The following ZNF26 variants were observed in gnomAD, a reference collection of about 807,000 sequenced individuals.
ZNF26 encodes the protein epididymis luminal protein 179.
In ZNF26, 32 loss-of-function variants were observed where a neutral mutation model predicts 54.9. The observed-to-expected ratio is 0.58, with a 90% confidence interval of 0.44 to 0.78. The LOEUF (loss-of-function observed/expected upper bound fraction) is 0.78. Among genes scored for constraint, ZNF26 ranks in the 30% least tolerant of loss-of-function variants. The pLI, the probability that ZNF26 is intolerant of heterozygous loss-of-function variation, is 0.00. For synonymous variants in ZNF26, 221 were observed against 209.2 expected, an observed-to-expected ratio of 1.06 and a Z score of -0.49; for missense variants, 524 against 634.0, an observed-to-expected ratio of 0.83 and a Z score of 1.86.
In ZNF26 at chr12:133,016,538, C is replaced by T. The variant is rs111392083; in HGVS notation, c.*5057C>T. On this transcript the variant is annotated 3_prime_UTR_variant, in exon 4 of 4. Coordinates refer to ENST00000328654, the MANE Select transcript of ZNF26 (RefSeq NM_019591.4). The stretch of plus-strand genomic sequence containing the variant: ...GGGTGCAGTGGCTTATGCCTATAAT[C>T]CCAACACTTTGGGAGGCAGGAGGAT... 1.3e-5 allele frequency: 2 copies of T among 151,040 alleles called. No individual in the cohort carries two copies. Among genetic ancestry groups the T allele is most frequent in the African/African-American group, 4.9e-5 (2 of 41,182 alleles). 9.4% of individuals were successfully genotyped at this position (151,040 alleles called of 1,614,324 possible).
intron 1 of ZNF26, chr12:132,987,600 C>T: frequency 3.4e-6 from 2 of 595,584 alleles, no homozygotes; most frequent in Non-Finnish European, 4.2e-6. Flanking sequence ...ACTAGGAATG[C>T]TATTGGAAGA....
rs1269571883 is a variant in ZNF26, at chr12:133,015,152, G to A, written c.*3671G>A. The A allele has an allele frequency of 8.6e-5, 13 of 151,904 alleles. No homozygotes were observed. The highest frequency in any genetic ancestry group is 2.7e-4 in the African/African-American group (11 of 41,452). 9.4% of individuals were successfully genotyped at this position (151,904 alleles called of 1,614,324 possible). A position where few individuals can be genotyped will look rare whatever the true frequency, so the allele number is the denominator to read the frequency against. On this transcript the variant is annotated 3_prime_UTR_variant, in exon 4 of 4. Transcript: ENST00000328654. ...GGGTGGATCACAAGGTCGGGAGTTC[G>A]AGTTCAGCCTGGCCAATATGGTGAA... is the stretch of plus-strand genomic sequence containing the variant.
At chr12:133,007,947 TCA>T (rs1239917133) in intron 3 of ZNF26, among the ~76,000 whole-genome samples, 1 of 152,170 alleles carries the variant, frequency 6.6e-6, no homozygotes, top group Non-Finnish European at 1.5e-5. Flanking sequence ...TAGACTTGAC[TCA>T]CAGTCTTGGC....
Position 133,020,429 on chromosome 12 carries a change from GTAA to G in ZNF26, c.*8950_*8952del, listed in dbSNP as rs1357908077. 7 of 151,720 alleles carry G rather than the reference GTAA, an allele frequency of 4.6e-5. No homozygotes were observed. Among genetic ancestry groups the G allele is most frequent in the East Asian group, 1.9e-4 (1 of 5,188 alleles). 9.4% of individuals were successfully genotyped at this position (151,720 alleles called of 1,614,324 possible). ...TTGCTGAACTGTACACTTAAAAATGGTAATGATGATAATATTTATAATATATTT... is the reference window on the plus strand; with the variant it reads ...TTGCTGAACTGTACACTTAAAAATGGTGATGATAATATTTATAATATATTT... On this transcript the variant is annotated 3_prime_UTR_variant, in exon 4 of 4. Coordinates refer to ENST00000328654, the MANE Select transcript of ZNF26 (RefSeq NM_019591.4).
At position 133,026,788 on chromosome 12, in the gene ZNF26, A is replaced by C. The variant is rs972469958; in HGVS notation, c.*15307A>C. 1.3e-5 allele frequency: 2 copies of C among 152,100 alleles called. No homozygotes were observed. Among genetic ancestry groups the C allele is most frequent in the Non-Finnish European group, 2.9e-5 (2 of 68,034 alleles). 9.4% of individuals were successfully genotyped at this position (152,100 alleles called of 1,614,324 possible). ...GTGATCTGCCCGCCTTGGCCTCCCAAAGTGCTGGGATTACAGGCATGAGCC... is the reference window on the plus strand; with the variant it reads ...GTGATCTGCCCGCCTTGGCCTCCCACAGTGCTGGGATTACAGGCATGAGCC... On this transcript the variant is annotated 3_prime_UTR_variant, in exon 4 of 4. Coordinates refer to ENST00000328654, the MANE Select transcript of ZNF26 (RefSeq NM_019591.4).
chr12:133,007,296 T>A, intron 2 of ZNF26, 128 bp downstream of exon 2: 1 of 1,354,654 alleles, frequency 7.4e-7, no homozygotes. Flanking sequence ...GGGGTCAAAT[T>A]TCCTTAGTCC....
chr12:132,988,339 G>A (rs914404941), intron 1 of ZNF26, among the ~76,000 whole-genome samples: 37 of 152,122 alleles, frequency 2.4e-4, no homozygotes, highest in African/African-American at 8.4e-4. Flanking sequence ...CGGGCTCAAG[G>A]GATCCTCCAC....
At chr12:133,000,231 A>T (rs1953180501) in intron 1 of ZNF26, among the ~76,000 whole-genome samples, 1 of 151,494 alleles carries the variant, frequency 6.6e-6, no homozygotes, top group African/African-American at 2.4e-5. Context: ...GTTATTTTGT[A>T]TTTTACTTTT....
rs1288918040 is a variant in ZNF26 at position 133,017,238 on chromosome 12, C to G, written c.*5757C>G. On this transcript the variant is annotated 3_prime_UTR_variant, in exon 4 of 4. Transcript: ENST00000328654. Reference sequence around the variant, plus strand: ...TTAGGGGAGTAGAGATTCTGATTATCCCACATGGCAGGGCATTAGACAAGG... The same window carrying G: ...TTAGGGGAGTAGAGATTCTGATTATGCCACATGGCAGGGCATTAGACAAGG... 1 of 152,232 alleles carries G rather than the reference C, an allele frequency of 6.6e-6. No individual in the cohort carries two copies. The highest frequency in any genetic ancestry group is 1.9e-4 in the East Asian group (1 of 5,182). The allele number at this position is 152,232 out of a possible 1,614,324, so 9.4% of individuals were successfully genotyped here.
chr12:132,997,875 T>C (rs985130160), intron 1 of ZNF26, among the ~76,000 whole-genome samples: 3 of 152,202 alleles, frequency 2.0e-5, no homozygotes, highest in African/African-American at 4.8e-5. Flanking sequence ...AAAAGTATCA[T>C]GAAGAAAACG....
In ZNF26 at chr12:133,016,266, T is replaced by C. The variant is rs1473959694; in HGVS notation, c.*4785T>C. ...TTTTGTATTTTTAGTAGAGATGGGG[T>C]TTCACCATTTTGGCCAGGATGGTCT... On this transcript the variant is annotated 3_prime_UTR_variant, in exon 4 of 4. Coordinates refer to ENST00000328654, the MANE Select transcript of ZNF26 (RefSeq NM_019591.4). The C allele has an allele frequency of 6.6e-6, 1 of 151,578 alleles. No individual in the cohort carries two copies. The highest frequency in any genetic ancestry group is 6.6e-5 in the Admixed American group (1 of 15,186). The allele number at this position is 151,578 out of a possible 1,614,324, so 9.4% of individuals were successfully genotyped here.
At chr12:132,994,193 C>T (rs901624758) in intron 1 of ZNF26, among the ~76,000 whole-genome samples, 1 of 152,218 alleles carries the variant, frequency 6.6e-6, no homozygotes, top group African/African-American at 2.4e-5. Context: ...CACCTAGCCT[C>T]TAGCAATTTG....
chr12:133,011,464 C>A lies in ZNF26; in HGVS notation c.1585C>A (p.Arg529=). 6.4e-7 allele frequency: 1 copy of A among 1,551,142 alleles called. No homozygotes were observed. Among genetic ancestry groups the A allele is most frequent in the Admixed American group, 2.1e-5 (1 of 47,392 alleles). Reference sequence around the variant, plus strand: ...TTGGAATTCAGGGCTTCGTATACATCGGAAGACTCATAAATGAGAAATCAG... The same window carrying A: ...TTGGAATTCAGGGCTTCGTATACATAGGAAGACTCATAAATGAGAAATCAG... ...FCWNSGLRIH[R]KTHK The change falls in exon 4 of 4, where the codon CGG becomes AGG. Residue 529 remains arginine, a synonymous_variant. Coordinates refer to ENST00000328654, the MANE Select transcript of ZNF26 (RefSeq NM_019591.4).
At chr12:133,009,764 C>T (rs1471596274) in intron 3 of ZNF26, among the ~76,000 whole-genome samples, 2 of 152,034 alleles carry the variant, frequency 1.3e-5, no homozygotes, top group East Asian at 1.9e-4. Flanking sequence ...GGTGTAGTGG[C>T]GTGATCTCGG....
In ZNF26 at chr12:133,024,841, T is replaced by A. The variant is rs1215183306; in HGVS notation, c.*13360T>A. 6.6e-6 allele frequency: 1 copy of A among 152,122 alleles called. No individual in the cohort carries two copies. Among genetic ancestry groups the A allele is most frequent in the East Asian group, 1.9e-4 (1 of 5,196 alleles). 9.4% of individuals were successfully genotyped at this position (152,122 alleles called of 1,614,324 possible). ...GTCTTATTAAGAGATTTTTGGGGTG[T>A]GGCTTTTGTCTAATGGAATGGGTTG... is the stretch of plus-strand genomic sequence containing the variant. On this transcript the variant is annotated 3_prime_UTR_variant, in exon 4 of 4. Coordinates refer to ENST00000328654, the MANE Select transcript of ZNF26 (RefSeq NM_019591.4).
In ZNF26 at chr12:133,007,526, T is replaced by A. The variant is rs1953357454; in HGVS notation, c.250T>A (p.Cys84Ser). The part of the protein sequence containing the change: ...IINAKISRQS[C>S]PDGWEEWYQN... ...AAATGCCAAAATTTCCAGGCAGAGC[T>A]GTCCAGGTGGGTGAGTGAGAAAGAG... Residue 84 changes from cysteine (C) to serine (S), a missense_variant, in exon 3 of 4, where the codon TGT becomes AGT. Physicochemically the swap from Cys to Ser is moderately radical, Grantham distance 112 (BLOSUM62 -1). Coordinates refer to ENST00000328654, the MANE Select transcript of ZNF26 (RefSeq NM_019591.4). The A allele has an allele frequency of 1.8e-5, 29 of 1,612,158 alleles. No homozygotes were observed. The South Asian group carries it at 2.9e-4, about 16-fold the overall frequency.
At chr12:133,006,915 G>A in intron 1 of ZNF26, 127 bp from the exon 2 acceptor site, 2 of 1,232,016 alleles carry the variant, frequency 1.6e-6, no homozygotes, top group Non-Finnish European at 2.3e-6. Context: ...CTCTCACAAA[G>A]TAAATGCTGA....
rs2137261120 is a variant in ZNF26, at chr12:133,010,806, A to G, written c.927A>G (p.Thr309=). Residue 309 remains threonine (T), a synonymous_variant, in exon 4 of 4, where the codon ACA becomes ACG. Coordinates refer to ENST00000328654, the MANE Select transcript of ZNF26 (RefSeq NM_019591.4). ...SPFVVHQRTH[T]GVKPHKCSEC... The stretch of plus-strand genomic sequence containing the variant: ...TCGTTGTACACCAGAGAACTCATAC[A>G]GGAGTGAAACCCCATAAATGCAGTG... 6 of 1,614,066 alleles carry G rather than the reference A, an allele frequency of 3.7e-6. No individual in the cohort carries two copies. In the East Asian group the frequency reaches 1.3e-4, roughly 36 times the overall value.
At position 133,012,261 on chromosome 12, in the gene ZNF26, A is replaced by C. The variant is rs1203660879; in HGVS notation, c.*780A>C. 2.6e-5 allele frequency: 4 copies of C among 151,928 alleles called. No homozygotes were observed. Among genetic ancestry groups the C allele is most frequent in the Admixed American group, 1.3e-4 (2 of 15,236 alleles). The allele number at this position is 151,928 out of a possible 1,614,324, so 9.4% of individuals were successfully genotyped here. A position where few individuals can be genotyped will look rare whatever the true frequency, so the allele number is the denominator to read the frequency against. ...GCACCCCTGTTTTCTCTGGAGAAATACCTCCCCTCTCTGGGGTGCTTCCTG... is the reference window on the plus strand; with the variant it reads ...GCACCCCTGTTTTCTCTGGAGAAATCCCTCCCCTCTCTGGGGTGCTTCCTG... On this transcript the variant is annotated 3_prime_UTR_variant, in exon 4 of 4. Coordinates refer to ENST00000328654, the MANE Select transcript of ZNF26 (RefSeq NM_019591.4).
Sources: gnomAD v4.1 joint callset for allele counts (sites outside exome capture counted in the v4.1 genomes callset) on GRCh38, gnomAD v4.1.1 for gene constraint, MANE v1.5 for transcripts, NCBI Gene and HGNC (gene_info 2026-07-23, HGNC 2026-07-21) for gene names.